GRIK4: variants seen among roughly 807,000 people sequenced by gnomAD.
The protein encoded by GRIK4 is glutamate ionotropic receptor kainate type subunit 4, also known as glutamate receptor ionotropic, kainate 4.
A neutral mutation model predicts 104.9 loss-of-function variants in GRIK4; 40 were observed. The observed-to-expected ratio is 0.38, with a 90% CI of 0.30 to 0.50. The LOEUF is 0.50. GRIK4 is among the 20% of genes least tolerant of loss of function. The probability of loss-of-function intolerance (pLI) is 0.93; values close to 1 mark genes in which losing one functional copy is unlikely to be tolerated. For synonymous variants in GRIK4, 485 were observed against 524.9 expected (o/e 0.92, Z 1.04); for missense variants, 1,047 against 1,308.1 (o/e 0.80, Z 3.08).
intron 3 of GRIK4, among the ~76,000 whole-genome samples, chr11:120,782,076 C>T (rs1314879657): frequency 3.3e-5 from 5 of 152,142 alleles, no homozygotes; most frequent in African/African-American, 1.2e-4. Context: ...CCTGACCACC[C>T]CCCATCATTC....
At chr11:120,912,443 A>G (rs1165152871) in intron 13 of GRIK4, among the ~76,000 whole-genome samples, 1 of 152,204 alleles carries the variant, frequency 6.6e-6, no homozygotes. Flanking sequence ...AGAGGGAGGA[A>G]GACGGGAGCC....
chr11:120,904,555 T>C (rs1449616536), intron 12 of GRIK4, among the ~76,000 whole-genome samples: 1 of 152,226 alleles, frequency 6.6e-6, no homozygotes, highest in Non-Finnish European at 1.5e-5. Flanking sequence ...CGCTTGATGC[T>C]TCCCCCCTAT....
At chr11:120,740,249 G>A (rs1951303368) in intron 3 of GRIK4, among the ~76,000 whole-genome samples, 1 of 152,190 alleles carries the variant, frequency 6.6e-6, no homozygotes, top group Non-Finnish European at 1.5e-5. Context: ...GCATAGCATG[G>A]GGTTGTAGTT....
At chr11:120,663,369 C>T (rs778981818) in intron 3 of GRIK4, among the ~76,000 whole-genome samples, 1 of 152,186 alleles carries the variant, frequency 6.6e-6, no homozygotes, top group Non-Finnish European at 1.5e-5. Flanking sequence ...AGGGGCCTGG[C>T]TGGTGGCAGC....
chr11:120,746,433 G>C (rs149384572), intron 3 of GRIK4, among the ~76,000 whole-genome samples: 15 of 152,262 alleles, frequency 9.9e-5, no homozygotes, highest in African/African-American at 3.4e-4. Context: ...TAGGTAGGTA[G>C]GTGGGACAGG....
At chr11:120,526,800 G>C (rs1310501281) in intron 1 of GRIK4, among the ~76,000 whole-genome samples, 10 of 152,114 alleles carry the variant, frequency 6.6e-5, no homozygotes, top group Admixed American at 6.5e-4. Flanking sequence ...AGTGAGCCAA[G>C]ATTGCACCAT....
rs12271059 is a variant in GRIK4 at position 120,968,193 on chromosome 11, C to T, written c.2395+870C>T. On this transcript the variant is annotated intron_variant, in intron 19 of 20. Transcript: ENST00000527524. ...TGTATGGCTAAGAAGTGTTGACGGTCCCTGAGCACCCAGGATTTTCTGTAG... is the reference window on the plus strand; with the variant it reads ...TGTATGGCTAAGAAGTGTTGACGGTTCCTGAGCACCCAGGATTTTCTGTAG... Among the ~76,000 whole-genome samples, 670 of 152,252 alleles carry T rather than the reference C, an allele frequency of 4.4e-3. 3 individuals carry two copies. The highest frequency in any genetic ancestry group is 0.015 in the African/African-American group (640 of 41,544).
chr11:120,903,785 A>G lies in GRIK4; in HGVS notation c.1273-1505A>G, dbSNP rs1371066034. Among the ~76,000 whole-genome samples the G allele has an allele frequency of 2.6e-5, 4 of 152,078 alleles. No individual in the cohort carries two copies. The highest frequency in any genetic ancestry group is 5.9e-5 in the Non-Finnish European group (4 of 68,008). On this transcript the variant is annotated intron_variant, in intron 12 of 20. Transcript: ENST00000527524. This position sits in a 1 kb window ranked among gnomAD's most constrained non-coding sequence, Gnocchi z 4.4. Reference sequence around the variant, plus strand: ...GCCTCCCTTAGCTCCTAACCTGTCAAAATGCTGAACAGCCCTCACTCCTGT... The same window carrying G: ...GCCTCCCTTAGCTCCTAACCTGTCAGAATGCTGAACAGCCCTCACTCCTGT...
chr11:120,810,407 C>T (rs896730984), intron 4 of GRIK4, among the ~76,000 whole-genome samples: 6 of 152,206 alleles, frequency 3.9e-5, no homozygotes, highest in African/African-American at 1.4e-4. Flanking sequence ...GGAAGCTGCG[C>T]TGTCTCCTAA....
chr11:120,854,052 C>A (rs1591992079), intron 8 of GRIK4, among the ~76,000 whole-genome samples: 1 of 152,344 alleles, frequency 6.6e-6, no homozygotes, highest in East Asian at 1.9e-4. Flanking sequence ...TGTTCACTTC[C>A]AATTGTGGTC....
At chr11:120,954,949 T>C (rs1944107340) in intron 15 of GRIK4, among the ~76,000 whole-genome samples, 2 of 152,150 alleles carry the variant, frequency 1.3e-5, no homozygotes, top group African/African-American at 4.8e-5. Context: ...GACAAGAGGC[T>C]GGGCAGCCAG....
chr11:120,737,887 T>G (rs748785115), intron 3 of GRIK4, among the ~76,000 whole-genome samples: 1 of 152,132 alleles, frequency 6.6e-6, no homozygotes, highest in African/African-American at 2.4e-5. Context: ...CCATTTATAT[T>G]GTGTGTGTGG....
chr11:120,710,125 G>A (rs558828464), intron 3 of GRIK4, among the ~76,000 whole-genome samples: 4 of 152,232 alleles, frequency 2.6e-5, no homozygotes, highest in Non-Finnish European at 4.4e-5. Context: ...CTGACACCAC[G>A]TCAGATCTTA....
intron 1 of GRIK4, among the ~76,000 whole-genome samples, chr11:120,621,451 C>G (rs1000909907): frequency 6.6e-6 from 1 of 152,182 alleles, no homozygotes; most frequent in African/African-American, 2.4e-5. Context: ...CCCCTCCCAG[C>G]TCATCAACTT....
chr11:120,554,047 G>A (rs1260639791), intron 1 of GRIK4, among the ~76,000 whole-genome samples: 1 of 151,982 alleles, frequency 6.6e-6, no homozygotes, highest in Non-Finnish European at 1.5e-5. Flanking sequence ...GATGTTAAAG[G>A]TTCCACACCC....
chr11:120,680,462 T>C (rs1950172848), intron 3 of GRIK4, among the ~76,000 whole-genome samples: 1 of 152,190 alleles, frequency 6.6e-6, no homozygotes, highest in South Asian at 2.1e-4. Context: ...TGACTGCACC[T>C]CAGCCTCACC....
chr11:120,688,338 A>G (rs181044567), intron 3 of GRIK4, among the ~76,000 whole-genome samples: 40 of 152,334 alleles, frequency 2.6e-4, no homozygotes, highest in African/African-American at 9.1e-4. Flanking sequence ...AGGAAGTCAG[A>G]TGCTTACTAT....
At chr11:120,619,978 C>A (rs2135162457) in intron 1 of GRIK4, 1 of 473,534 alleles carries the variant, frequency 2.1e-6, no homozygotes, top group African/African-American at 2.0e-5. Flanking sequence ...AGTGCAGTTT[C>A]AGTGTAATTG....
chr11:120,727,658 C>A (rs1327523696), intron 3 of GRIK4, among the ~76,000 whole-genome samples: 1 of 151,674 alleles, frequency 6.6e-6, no homozygotes. Flanking sequence ...TCACGATGAG[C>A]TCAAAAGCAT....
Sources: gnomAD v4.1 joint callset for allele counts (sites outside exome capture counted in the v4.1 genomes callset) on GRCh38, gnomAD v4.1.1 for gene constraint, Gnocchi (gnomAD v3.1) non-coding constraint, MANE v1.5 for transcripts, NCBI Gene and HGNC (gene_info 2026-07-23, HGNC 2026-07-21) for gene names.